The following SMAD9 variants were observed in gnomAD, a reference collection of about 807,000 sequenced individuals.
SMAD9 encodes the protein MAD homolog 9.
Under a neutral mutation model 46.1 loss-of-function variants are expected in SMAD9, and 36 were observed. That is an observed-to-expected ratio of 0.78 (90% confidence interval 0.60 to 1.03). The LOEUF (loss-of-function observed/expected upper bound fraction) is 1.03, where lower values mean the gene tolerates loss of function less well. Ranked by LOEUF, SMAD9 falls within the 50% of genes least tolerant of loss-of-function variation. The pLI, the probability that SMAD9 is intolerant of heterozygous loss-of-function variation, is 0.00. For synonymous variants in SMAD9, 245 were observed against 237.1 expected (o/e 1.03, Z -0.31); for missense variants, 572 against 599.8 (o/e 0.95, Z 0.48).
At chr13:36,897,720 TA>T in intron 1 of SMAD9, among the ~76,000 whole-genome samples, 1 of 152,248 alleles carries the variant, frequency 6.6e-6, no homozygotes, top group Non-Finnish European at 1.5e-5. Context: ...CTTGATTGGG[TA>T]AAAAAGGTAT....
chr13:36,892,504 A>G (rs930254466), intron 1 of SMAD9, among the ~76,000 whole-genome samples: 1 of 152,188 alleles, frequency 6.6e-6, no homozygotes. Flanking sequence ...CCACATTTTG[A>G]CAAACTCAAC....
intron 1 of SMAD9, among the ~76,000 whole-genome samples, chr13:36,897,397 C>T (rs2058537485): frequency 6.6e-6 from 1 of 152,114 alleles, no homozygotes; most frequent in Admixed American, 6.6e-5. Context: ...TTTCTGTTAC[C>T]AGGACATAAA....
intron 1 of SMAD9, among the ~76,000 whole-genome samples, chr13:36,906,786 G>A (rs1366696067): frequency 6.6e-6 from 1 of 152,182 alleles, no homozygotes; most frequent in Non-Finnish European, 1.5e-5. Flanking sequence ...TCAAGGATGT[G>A]CAAAAATTTG....
chr13:36,867,383 A>G lies in SMAD9; in HGVS notation c.671T>C (p.Val224Ala). 6.5e-7 allele frequency: 1 copy of G among 1,538,674 alleles called. No homozygotes were observed. Among genetic ancestry groups the G allele is most frequent in the Admixed American group, 2.0e-5 (1 of 49,454 alleles). ...SEPESPYQHS[V>A]DTPPLPYHAT... ...ATGATAAGGCAGGGGTGGTGTGTCA[A>G]CTAAAAGAAAGCAGTAGAACAAAGG... Residue 224 changes from valine (V) to alanine (A), a missense_variant and splice_region_variant, in exon 4 of 7, where the codon GTT (valine) becomes GCT (alanine). By Grantham distance (64) the Val-to-Ala change is moderately conservative (BLOSUM62 0). Transcript: ENST00000379826.
At chr13:36,884,527 C>T (rs185076272) in intron 1 of SMAD9, among the ~76,000 whole-genome samples, 248 of 152,314 alleles carry the variant, frequency 1.6e-3, no homozygotes, top group Non-Finnish European at 2.3e-3. Context: ...ATTTTCGAGT[C>T]TCTTAAATAA....
At position 36,872,751 on chromosome 13, in the gene SMAD9, G is replaced by C. The variant is rs1288863221; in HGVS notation, c.577C>G (p.Pro193Ala). The part of the protein sequence containing the change: ...QPPCSALPPS[P>A]SHAFSQSPCT... ...GGGGACTGGGAGAACGCGTGGCTGG[G>C]TGAGGGAGGGAGTGCAGAGCACGGA... The change falls in exon 3 of 7, where the codon CCC (proline) becomes GCC (alanine). Residue 193 changes from proline (P) to alanine (A), a missense_variant. Pro to Ala is a conservative substitution (Grantham distance 27). Transcript: ENST00000379826. 6.2e-7 allele frequency: 1 copy of C among 1,614,112 alleles called. No individual in the cohort carries two copies. The highest frequency in any genetic ancestry group is 1.3e-5 in the African/African-American group (1 of 75,036).
At chr13:36,916,542 G>A (rs191384276) in intron 1 of SMAD9, among the ~76,000 whole-genome samples, 1 of 139,480 alleles carries the variant, frequency 7.2e-6, no homozygotes, top group Non-Finnish European at 1.6e-5. Context: ...TTTCAGGAGG[G>A]ACCATGGGTT....
intron 2 of SMAD9, among the ~76,000 whole-genome samples, chr13:36,873,243 T>C (rs2058313999): frequency 6.6e-6 from 1 of 152,180 alleles, no homozygotes; most frequent in Non-Finnish European, 1.5e-5. Context: ...TATTCCTACC[T>C]TGGAAATGAC....
chr13:36,883,401 T>TAG (rs1356387750), intron 1 of SMAD9, among the ~76,000 whole-genome samples: 1 of 152,236 alleles, frequency 6.6e-6, no homozygotes, highest in African/African-American at 2.4e-5. Flanking sequence ...TCTGGAAAGA[T>TAG]TCCTGAGAGG....
chr13:36,919,098 C>T (rs947354456), intron 1 of SMAD9, among the ~76,000 whole-genome samples: 3 of 152,222 alleles, frequency 2.0e-5, no homozygotes, highest in African/African-American at 7.2e-5. Context: ...ACAATTTTAT[C>T]TCCAAACTCG....
At chr13:36,893,872 ATAT>A (rs1359448218) in intron 1 of SMAD9, among the ~76,000 whole-genome samples, 9 of 152,124 alleles carry the variant, frequency 5.9e-5, no homozygotes, top group Admixed American at 3.9e-4. Context: ...CTGTCATATT[ATAT>A]TATATGTTGT....
intron 5 of SMAD9, among the ~76,000 whole-genome samples, chr13:36,855,526 A>G (rs1276961440): frequency 6.6e-6 from 1 of 152,200 alleles, no homozygotes; most frequent in Non-Finnish European, 1.5e-5. Context: ...TATGATCACT[A>G]TGCAGTTATA....
At chr13:36,910,306 A>G (rs1333978065) in intron 1 of SMAD9, among the ~76,000 whole-genome samples, 1 of 152,218 alleles carries the variant, frequency 6.6e-6, no homozygotes, top group East Asian at 1.9e-4. Flanking sequence ...ACCATAGTGA[A>G]TATGAGAAGA....
At chr13:36,871,048 G>T (rs888207854) in intron 3 of SMAD9, among the ~76,000 whole-genome samples, 2 of 152,130 alleles carry the variant, frequency 1.3e-5, no homozygotes, top group Non-Finnish European at 2.9e-5. Flanking sequence ...GTATTTTCAG[G>T]CTGCAACTGA....
chr13:36,899,568 G>A (rs2058556820), intron 1 of SMAD9, among the ~76,000 whole-genome samples: 2 of 152,140 alleles, frequency 1.3e-5, no homozygotes, highest in Admixed American at 1.3e-4. Context: ...ATGAAGTCGG[G>A]GGTAACACAG....
chr13:36,850,476 T>C (rs942380726), intron 6 of SMAD9, among the ~76,000 whole-genome samples: 11 of 151,922 alleles, frequency 7.2e-5, no homozygotes, highest in African/African-American at 2.7e-4. Flanking sequence ...GCCTCCGAGG[T>C]TCAAGCGATT....
At chr13:36,903,005 C>T (rs55696427) in intron 1 of SMAD9, among the ~76,000 whole-genome samples, 4,046 of 151,836 alleles carry the variant, frequency 0.027, 182 homozygotes, top group African/African-American at 0.092. Context: ...GTATAAGAAG[C>T]GTGGAAGAAA....
chr13:36,872,680 T>A lies in SMAD9; in HGVS notation c.648A>T (p.Pro216=). Residue 216 remains proline (P), a synonymous_variant, in exon 3 of 7, where the codon CCA becomes CCT. Coordinates refer to ENST00000379826, the MANE Select transcript of SMAD9 (RefSeq NM_001127217.3). ...YPHSPGSPSE[P]ESPYQHSVDT... is the part of the protein sequence containing the mutation. ...GACCTGAGTGTTGATAGGGACTCTC[T>A]GGCTCAGAAGGACTTCCTGGGGAGT... 6.2e-7 allele frequency: 1 copy of A among 1,614,022 alleles called. No individual in the cohort carries two copies. Among genetic ancestry groups the A allele is most frequent in the Non-Finnish European group, 8.5e-7 (1 of 1,180,018 alleles).
At chr13:36,911,573 A>C (rs554885142) in intron 1 of SMAD9, among the ~76,000 whole-genome samples, 3 of 126,070 alleles carry the variant, frequency 2.4e-5, no homozygotes, top group Non-Finnish European at 4.8e-5. Flanking sequence ...AATTTTATAG[A>C]TGTGTGTCTC....
Sources: allele counts gnomAD v4.1 joint callset (sites outside exome capture counted in the v4.1 genomes callset), GRCh38; gene constraint gnomAD v4.1.1; transcripts MANE v1.5; gene names NCBI Gene and HGNC (gene_info 2026-07-23, HGNC 2026-07-21).